The following EPHX4 variants were observed in gnomAD, a reference collection of about 807,000 sequenced individuals.
EPHX4 encodes the protein abhydrolase domain containing 7.
In EPHX4, 31 loss-of-function variants were observed where a neutral mutation model predicts 44.9. That is an observed-to-expected ratio of 0.69 (90% confidence interval 0.52 to 0.93). EPHX4 has a LOEUF of 0.93. Ranked by LOEUF, EPHX4 falls within the 40% of genes least tolerant of loss-of-function variation. EPHX4 has a pLI of 0.00. For synonymous variants in EPHX4, 151 were observed against 159.7 expected (o/e 0.95, Z 0.41); for missense variants, 373 against 438.1 (o/e 0.85, Z 1.33).
intron 4 of EPHX4, among the ~76,000 whole-genome samples, chr1:92,046,753 C>T (rs944623081): frequency 3.3e-5 from 5 of 152,112 alleles, no homozygotes; most frequent in African/African-American, 4.8e-5. Flanking sequence ...TGAGCCACCG[C>T]GCCCTGCCAA....
chr1:92,049,471 A>G (rs1392575176), intron 4 of EPHX4, among the ~76,000 whole-genome samples: 1 of 152,160 alleles, frequency 6.6e-6, no homozygotes, highest in Non-Finnish European at 1.5e-5. Context: ...TTTATTGTGT[A>G]AGTTCATTGT....
rs1647225765 is a variant in EPHX4, at chr1:92,050,373, C to T, written c.661C>T (p.Gln221Ter). The change falls in exon 5 of 7, where the codon CAA becomes TAA. Residue 221 changes from glutamine to a stop codon, truncating the protein, a stop_gained. Transcript: ENST00000370383. LOFTEE classifies it high-confidence loss of function. ...GAAATCCAGTTATTATTACTTCTTC[C>T]AAATACCATGGTTCCCAGAATTTAT... ...LLKSSYYYFF[Q>*]IPWFPEFMFS... 1.2e-6 allele frequency: 2 copies of T among 1,604,860 alleles called. No homozygotes were observed. The highest frequency in any genetic ancestry group is 1.3e-5 in the African/African-American group (1 of 74,604).
At chr1:92,033,617 G>T (rs1241719588) in intron 2 of EPHX4, among the ~76,000 whole-genome samples, 1 of 152,124 alleles carries the variant, frequency 6.6e-6, no homozygotes, top group African/African-American at 2.4e-5. Flanking sequence ...GATAATTTAA[G>T]TACCTAAATA....
intron 4 of EPHX4, among the ~76,000 whole-genome samples, chr1:92,048,513 T>C (rs1249871883): frequency 6.6e-6 from 1 of 152,216 alleles, no homozygotes; most frequent in Non-Finnish European, 1.5e-5. Context: ...TGTATTGTTA[T>C]CTCTTAATGC....
intron 6 of EPHX4, among the ~76,000 whole-genome samples, chr1:92,062,190 G>A (rs1269252897): frequency 1.3e-5 from 2 of 152,106 alleles, no homozygotes; most frequent in Admixed American, 1.3e-4. Context: ...AAATGCATCA[G>A]ATTATCTAGG....
chr1:92,055,451 A>G (rs1359855843), intron 6 of EPHX4, among the ~76,000 whole-genome samples: 1 of 152,204 alleles, frequency 6.6e-6, no homozygotes, highest in African/African-American at 2.4e-5. Context: ...GGTAAATCCA[A>G]ATCTTTTTTG....
At chr1:92,044,987 C>T (rs949932698) in intron 3 of EPHX4, among the ~76,000 whole-genome samples, 1 of 151,972 alleles carries the variant, frequency 6.6e-6, no homozygotes, top group East Asian at 1.9e-4. Flanking sequence ...AACAGAGTCT[C>T]GGTCTCGCTC....
Position 92,045,523 on chromosome 1 carries a change from T to C in EPHX4, c.476-9T>C. ...TTTAATGATGTCAACATTTATTTCT[T>C]GTTTACAGGGTATAGCAAATGTGTT... On this transcript the variant is annotated splice_polypyrimidine_tract_variant and intron_variant, in intron 3 of 6. Coordinates refer to ENST00000370383, the MANE Select transcript of EPHX4 (RefSeq NM_173567.5). 1.2e-6 allele frequency: 2 copies of C among 1,613,134 alleles called. No individual in the cohort carries two copies. The highest frequency in any genetic ancestry group is 1.7e-6 in the Non-Finnish European group (2 of 1,179,764).
chr1:92,062,143 A>G (rs72954791), intron 6 of EPHX4, among the ~76,000 whole-genome samples: 2,815 of 152,322 alleles, frequency 0.018, 50 homozygotes, highest in African/African-American at 0.042. Context: ...CTCAGTTCAA[A>G]TATAGTTTTT....
intron 6 of EPHX4, among the ~76,000 whole-genome samples, chr1:92,059,116 C>T (rs1026521961): frequency 5.3e-5 from 8 of 152,130 alleles, no homozygotes; most frequent in African/African-American, 1.9e-4. Flanking sequence ...ACACTAAAAG[C>T]ATTTCTTTCA....
At chr1:92,036,231 G>C (rs756617574) in intron 2 of EPHX4, among the ~76,000 whole-genome samples, 4 of 151,930 alleles carry the variant, frequency 2.6e-5, no homozygotes, top group African/African-American at 7.3e-5. Context: ...ACCTCTTTAC[G>C]TGCAGAACAA....
intron 6 of EPHX4, among the ~76,000 whole-genome samples, chr1:92,061,535 T>C (rs1647495038): frequency 6.6e-6 from 1 of 152,202 alleles, no homozygotes; most frequent in Non-Finnish European, 1.5e-5. Flanking sequence ...GGAATTCTAC[T>C]TCTAGGCTAT....
At chr1:92,049,626 A>G (rs1647209114) in intron 4 of EPHX4, among the ~76,000 whole-genome samples, 1 of 152,214 alleles carries the variant, frequency 6.6e-6, no homozygotes, top group Non-Finnish European at 1.5e-5. Flanking sequence ...CAGATGAACA[A>G]GGCATTCAAT....
At chr1:92,061,714 T>C (rs921762442) in intron 6 of EPHX4, among the ~76,000 whole-genome samples, 2 of 152,206 alleles carry the variant, frequency 1.3e-5, no homozygotes, top group Admixed American at 6.5e-5. Context: ...ACAATTATTT[T>C]TGAAAAATGT....
intron 2 of EPHX4, among the ~76,000 whole-genome samples, chr1:92,032,936 G>T (rs1229874338): frequency 6.6e-6 from 1 of 152,110 alleles, no homozygotes; most frequent in Non-Finnish European, 1.5e-5. Context: ...GGCAATTTTT[G>T]AGACAAGGTC....
chr1:92,030,437 G>C lies in EPHX4; in HGVS notation c.231+127G>C, dbSNP rs928369696. 8.3e-6 allele frequency: 6 copies of C among 720,936 alleles called. No individual in the cohort carries two copies. The African/African-American group carries it at 1.3e-4, about 15-fold the overall frequency. The allele number at this position is 720,936 out of a possible 1,614,324, so 44.7% of individuals were successfully genotyped here. On this transcript the variant is annotated intron_variant, in intron 1 of 6. Transcript: ENST00000370383. ...CTAGTGTCCTGGCAGGAGGGGAGGA[G>C]GGGTTGGGTCCCTGTGTGTCGTGTG... is the stretch of plus-strand genomic sequence containing the variant.
chr1:92,041,420 T>G (rs920576113), intron 2 of EPHX4, among the ~76,000 whole-genome samples: 1 of 152,220 alleles, frequency 6.6e-6, no homozygotes. Context: ...TGGTTATTAC[T>G]AAAACTTTGA....
At chr1:92,033,996 A>AT (rs1557881053) in intron 2 of EPHX4, among the ~76,000 whole-genome samples, 1 of 51,382 alleles carries the variant, frequency 1.9e-5, no homozygotes, top group African/African-American at 5.3e-5. Context: ...ACATGTTTAA[A>AT]CTTTTTTTTT....
intron 4 of EPHX4, among the ~76,000 whole-genome samples, chr1:92,046,233 C>T (rs1259456653): frequency 6.6e-6 from 1 of 152,132 alleles, no homozygotes; most frequent in African/African-American, 2.4e-5. Flanking sequence ...TGAAAGCTAA[C>T]TACATCTTCC....
Sources: gnomAD v4.1 joint callset for allele counts (sites outside exome capture counted in the v4.1 genomes callset) on GRCh38, gnomAD v4.1.1 for gene constraint, MANE v1.5 for transcripts, NCBI Gene and HGNC (gene_info 2026-07-23, HGNC 2026-07-21) for gene names.